Variants in FGGY observed in about 807,000 individuals in gnomAD.
FGGY encodes FGGY carbohydrate kinase domain-containing protein.
Under a neutral mutation model 71.3 loss-of-function variants are expected in FGGY, and 72 were observed. The observed-to-expected ratio is 1.01, with a 90% confidence interval of 0.84 to 1.23. FGGY has a LOEUF of 1.23. FGGY is among the 50% of genes most tolerant of loss of function. The probability of loss-of-function intolerance (pLI) is 0.00; values close to 1 mark genes in which losing one functional copy is unlikely to be tolerated. For synonymous variants in FGGY, 251 were observed against 250.3 expected (o/e 1.00, Z -0.02); for missense variants, 668 against 682.3 (o/e 0.98, Z 0.23).
intron 5 of FGGY, among the ~76,000 whole-genome samples, chr1:59,397,842 C>T (rs1360752694): frequency 6.6e-6 from 1 of 152,194 alleles, no homozygotes; most frequent in Non-Finnish European, 1.5e-5. Flanking sequence ...CCATCTAAGC[C>T]TCAGACTTCA....
intron 7 of FGGY, among the ~76,000 whole-genome samples, chr1:59,524,335 G>A (rs959287425): frequency 6.6e-5 from 10 of 151,814 alleles, no homozygotes; most frequent in African/African-American, 7.3e-5. Flanking sequence ...ACTGGGTGGC[G>A]GGTTGATGGC....
chr1:59,370,130 A>G (rs1307421676), intron 4 of FGGY, among the ~76,000 whole-genome samples: 1 of 152,156 alleles, frequency 6.6e-6, no homozygotes, highest in African/African-American at 2.4e-5. Context: ...TACTGGAGGA[A>G]ATTCAAACCA....
At chr1:59,654,224 G>GT (rs2097197379) in intron 11 of FGGY, among the ~76,000 whole-genome samples, 1 of 152,192 alleles carries the variant, frequency 6.6e-6, no homozygotes. Context: ...TTGGTAAGAT[G>GT]TGTCCCCCTT....
At chr1:59,312,887 TCTTTTCTGC>T (rs887821268) in intron 1 of FGGY, among the ~76,000 whole-genome samples, 1 of 152,226 alleles carries the variant, frequency 6.6e-6, no homozygotes, top group African/African-American at 2.4e-5. Context: ...GTAGGTTCTG[TCTTTTCTGC>T]CTTTTGGAAT....
At chr1:59,461,511 A>G (rs943276490) in intron 6 of FGGY, among the ~76,000 whole-genome samples, 2 of 152,230 alleles carry the variant, frequency 1.3e-5, no homozygotes, top group Non-Finnish European at 1.5e-5. Context: ...GATATTATCC[A>G]GGAGAACTTC....
At chr1:59,370,201 A>G (rs994707658) in intron 4 of FGGY, among the ~76,000 whole-genome samples, 34 of 152,212 alleles carry the variant, frequency 2.2e-4, no homozygotes, top group Admixed American at 1.8e-3. Flanking sequence ...AGAATAACCA[A>G]TACAGAGAAG....
At chr1:59,377,899 A>C (rs2058866749) in intron 4 of FGGY, among the ~76,000 whole-genome samples, 1 of 152,188 alleles carries the variant, frequency 6.6e-6, no homozygotes, top group Non-Finnish European at 1.5e-5. Context: ...CAAATCTTTA[A>C]AATGTACAAT....
chr1:59,618,717 A>G (rs2153832694), intron 9 of FGGY, among the ~76,000 whole-genome samples: 2 of 152,228 alleles, frequency 1.3e-5, no homozygotes, highest in South Asian at 2.1e-4. Flanking sequence ...CTCAGTGAGA[A>G]TGAGACTTAG....
At chr1:59,610,557 C>T (rs2096665363) in intron 9 of FGGY, among the ~76,000 whole-genome samples, 1 of 152,216 alleles carries the variant, frequency 6.6e-6, no homozygotes, top group East Asian at 1.9e-4. Context: ...CGAATAGGAA[C>T]AGCTCCAGTC....
At chr1:59,301,581 T>G (rs896415585) in intron 1 of FGGY, among the ~76,000 whole-genome samples, 2 of 152,180 alleles carry the variant, frequency 1.3e-5, no homozygotes, top group East Asian at 3.8e-4. Flanking sequence ...TAGTTGTATA[T>G]CTTTTGTAGA....
intron 2 of FGGY, among the ~76,000 whole-genome samples, chr1:59,325,929 C>T (rs932504887): frequency 7.9e-5 from 12 of 152,156 alleles, no homozygotes; most frequent in African/African-American, 2.4e-4. Context: ...GCTGGTAAGC[C>T]GCACACCTAA....
intron 14 of FGGY, among the ~76,000 whole-genome samples, chr1:59,691,228 A>G (rs1179175022): frequency 6.6e-6 from 1 of 152,218 alleles, no homozygotes; most frequent in East Asian, 1.9e-4. Flanking sequence ...AAATATTATA[A>G]TGTTTAATAA....
intron 14 of FGGY, among the ~76,000 whole-genome samples, chr1:59,706,457 C>G (rs1399212964): frequency 6.6e-6 from 1 of 152,186 alleles, no homozygotes; most frequent in Non-Finnish European, 1.5e-5. Context: ...ACTCAGGGAG[C>G]TACTAATAAA....
At chr1:59,592,675 T>C (rs1457080143) in intron 8 of FGGY, among the ~76,000 whole-genome samples, 1 of 151,496 alleles carries the variant, frequency 6.6e-6, no homozygotes, top group Non-Finnish European at 1.5e-5. Context: ...CTCAGTAAAC[T>C]ATAGCAAGAA....
At chr1:59,614,114 T>C (rs1024596365) in intron 9 of FGGY, among the ~76,000 whole-genome samples, 10 of 152,044 alleles carry the variant, frequency 6.6e-5, no homozygotes, top group Non-Finnish European at 1.2e-4. Flanking sequence ...TTCCAATCAA[T>C]AGGAAAAGAG....
rs541705852 is a variant in FGGY at position 59,354,230 on chromosome 1, A to G, written c.465+7832A>G. Among the ~76,000 whole-genome samples the G allele has an allele frequency of 6.6e-5, 10 of 152,022 alleles. No individual in the cohort carries two copies. In the East Asian group the frequency reaches 1.9e-3, roughly 29 times the overall value. ...GTAACTGGGACTACAGGCACACACC[A>G]CCATGCCCAGATAATTTGTGTATTT... On this transcript the variant is annotated intron_variant, in intron 4 of 15. Transcript: ENST00000303721.
intron 8 of FGGY, among the ~76,000 whole-genome samples, chr1:59,577,972 G>A (rs867521316): frequency 7.2e-5 from 11 of 152,056 alleles, no homozygotes; most frequent in African/African-American, 2.2e-4. Flanking sequence ...TGGAGGTTTC[G>A]AACAGGCCCC....
intron 14 of FGGY, among the ~76,000 whole-genome samples, chr1:59,746,969 C>A (rs915288252): frequency 6.6e-6 from 1 of 152,128 alleles, no homozygotes; most frequent in East Asian, 1.9e-4. Flanking sequence ...AACTAGGTAA[C>A]GTATTTAATA....
intron 14 of FGGY, among the ~76,000 whole-genome samples, chr1:59,723,563 T>TGGG (rs141394151): frequency 3.9e-5 from 5 of 128,910 alleles, no homozygotes; most frequent in Non-Finnish European, 8.3e-5. Flanking sequence ...TGTTTTTTTT[T>TGGG]GGGGGGGGGT....
Sources: gnomAD v4.1 joint callset for allele counts (sites outside exome capture counted in the v4.1 genomes callset) on GRCh38, gnomAD v4.1.1 for gene constraint, MANE v1.5 for transcripts, NCBI Gene and HGNC (gene_info 2026-07-23, HGNC 2026-07-21) for gene names.